The following CALN1 variants were observed in gnomAD, a reference collection of about 807,000 sequenced individuals.
The protein encoded by CALN1 is calcium-binding protein 8.
CALN1 carries 17 observed loss-of-function variants against 30.6 expected under a neutral mutation model. The observed-to-expected ratio is 0.56, with a 90% CI of 0.38 to 0.83. CALN1 has a LOEUF of 0.83. Among genes scored for constraint, CALN1 ranks in the 40% least tolerant of loss-of-function variants. The probability of loss-of-function intolerance (pLI) is 0.00; values close to 1 mark genes in which losing one functional copy is unlikely to be tolerated. For missense variants in CALN1, 291 were observed against 354.9 expected (o/e 0.82, Z 1.45); for synonymous variants, 156 against 131.4 (o/e 1.19, Z -1.28).
intron 6 of CALN1, among the ~76,000 whole-genome samples, chr7:71,799,438 TTTATTTATTTATTTAG>T (rs1355944987): frequency 1.7e-4 from 23 of 137,536 alleles, no homozygotes; most frequent in Non-Finnish European, 2.0e-4. Flanking sequence ...TATTTATTTA[TTTATTTATTTATTTAG>T]TTAGTTAGTT....
intron 5 of CALN1, among the ~76,000 whole-genome samples, chr7:71,959,235 T>C (rs1446714866): frequency 6.6e-6 from 1 of 152,156 alleles, no homozygotes; most frequent in Non-Finnish European, 1.5e-5. Flanking sequence ...TGGTCTTAAA[T>C]GACAAGCTAA....
chr7:72,054,418 C>CACGTATATATATATACATATATATAT (rs1563015234), intron 4 of CALN1, among the ~76,000 whole-genome samples: 18 of 36,828 alleles, frequency 4.9e-4, no homozygotes, highest in Admixed American at 3.7e-4. Flanking sequence ...TATATATATA[C>CACGTATATATATATACATATATATAT]GTGTATATAT....
intron 5 of CALN1, among the ~76,000 whole-genome samples, chr7:71,957,061 T>TG (rs1291315800): frequency 6.6e-6 from 1 of 151,782 alleles, no homozygotes; most frequent in Non-Finnish European, 1.5e-5. Context: ...TATGAATTGG[T>TG]GGGGAGGTGG....
At chr7:71,902,911 G>A (rs1006701572) in intron 5 of CALN1, among the ~76,000 whole-genome samples, 1 of 151,888 alleles carries the variant, frequency 6.6e-6, no homozygotes, top group African/African-American at 2.4e-5. Flanking sequence ...TAATTTATAA[G>A]AGCTAAACAG....
chr7:72,280,516 C>T (rs547680848), intron 2 of CALN1, among the ~76,000 whole-genome samples: 3 of 152,334 alleles, frequency 2.0e-5, no homozygotes, highest in South Asian at 4.1e-4. Flanking sequence ...TCTAGAAGAA[C>T]ACTTCAATGA....
At chr7:72,312,308 G>A (rs1451447537) in intron 2 of CALN1, among the ~76,000 whole-genome samples, 11 of 151,058 alleles carry the variant, frequency 7.3e-5, no homozygotes, top group African/African-American at 2.7e-4. Context: ...GGAGGCTGAG[G>A]CAGGAGAATC....
At position 72,192,625 on chromosome 7, in the gene CALN1, TTTATTATTATTATTATTATTATTATTA is replaced by T. The variant is rs140672013; in HGVS notation, c.244+86034_244+86060del. Among the ~76,000 whole-genome samples the T allele has an allele frequency of 1.3e-3, 192 of 143,814 alleles. 1 individual carries two copies. The highest frequency in any genetic ancestry group is 6.6e-3 in the South Asian group (29 of 4,368). 94.3% of individuals were successfully genotyped at this position (143,814 alleles called of 152,430 possible). A position where few individuals can be genotyped will look rare whatever the true frequency, so the allele number is the denominator to read the frequency against. Reference sequence around the variant, plus strand: ...GGCAACATTGGGAGATCCCATTTCTTTTATTATTATTATTATTATTATTATTATTATTATTATTATTATTATTATACT... The same window carrying T: ...GGCAACATTGGGAGATCCCATTTCTTTTATTATTATTATTATTATTATACT... On this transcript the variant is annotated intron_variant, in intron 3 of 6. Transcript: ENST00000395275.
chr7:71,931,132 T>C (rs181769842), intron 5 of CALN1, among the ~76,000 whole-genome samples: 1 of 152,338 alleles, frequency 6.6e-6, no homozygotes, highest in Admixed American at 6.5e-5. Flanking sequence ...AGGTTTTTCT[T>C]TTTGAAATGT....
Position 72,106,229 on chromosome 7 carries a change from C to T in CALN1, c.310G>A (p.Gly104Ser). ...GNGFISKQEL[G>S]MAMRSLGYMP... ...TACCCCAAAGAGCGCATGGCCATGC[C>T]CAGCTCCTGCTTGGAGATGAAGCCG... Residue 104 changes from glycine to serine, a missense_variant, in exon 4 of 7, where the codon GGC becomes AGC. Gly to Ser is a moderately conservative substitution (Grantham distance 56). Transcript: ENST00000395275. 1 of 1,614,008 alleles carries T rather than the reference C, an allele frequency of 6.2e-7. No individual in the cohort carries two copies. Among genetic ancestry groups the T allele is most frequent in the African/African-American group, 1.3e-5 (1 of 75,010 alleles).
At chr7:72,098,904 T>A (rs1479711180) in intron 4 of CALN1, among the ~76,000 whole-genome samples, 1 of 151,890 alleles carries the variant, frequency 6.6e-6, no homozygotes, top group Non-Finnish European at 1.5e-5. Flanking sequence ...TCTGGATGGA[T>A]CCGTGTCCAG....
intron 2 of CALN1, among the ~76,000 whole-genome samples, chr7:72,329,787 C>A (rs1479451060): frequency 6.6e-6 from 1 of 151,672 alleles, no homozygotes; most frequent in Non-Finnish European, 1.5e-5. Flanking sequence ...GACCCCGTCA[C>A]TACTAAAAAT....
chr7:72,082,875 G>A (rs1449095042), intron 4 of CALN1, among the ~76,000 whole-genome samples: 1 of 152,290 alleles, frequency 6.6e-6, no homozygotes, highest in South Asian at 2.1e-4. Context: ...CTTACATGCA[G>A]TATCTGGCAT....
At chr7:72,349,505 A>T (rs191926488) in intron 2 of CALN1, among the ~76,000 whole-genome samples, 2 of 152,174 alleles carry the variant, frequency 1.3e-5, no homozygotes, top group African/African-American at 4.8e-5. Flanking sequence ...GAAAAATCTT[A>T]AAGTATCCAG....
At chr7:72,087,994 C>T (rs1253823986) in intron 4 of CALN1, among the ~76,000 whole-genome samples, 2 of 152,206 alleles carry the variant, frequency 1.3e-5, no homozygotes, top group African/African-American at 2.4e-5. Context: ...AAGACCCCGC[C>T]TCTACCAAAA....
chr7:71,980,307 C>T (rs2129527121), intron 5 of CALN1, among the ~76,000 whole-genome samples: 1 of 151,600 alleles, frequency 6.6e-6, no homozygotes, highest in Admixed American at 6.6e-5. Flanking sequence ...CTGCCTCAGC[C>T]TCCTGTGTAG....
intron 5 of CALN1, among the ~76,000 whole-genome samples, chr7:71,883,736 T>C (rs917262975): frequency 1.3e-5 from 2 of 152,166 alleles, no homozygotes; most frequent in African/African-American, 4.8e-5. Flanking sequence ...CGTATTTCAA[T>C]TACCTTACCC....
intron 3 of CALN1, among the ~76,000 whole-genome samples, chr7:72,109,820 C>A (rs1807434885): frequency 6.6e-6 from 1 of 152,232 alleles, no homozygotes; most frequent in South Asian, 2.1e-4. Context: ...CGCCAAGCGC[C>A]AGCTCTGCTC....
At chr7:72,198,210 GA>G (rs1791166276) in intron 3 of CALN1, among the ~76,000 whole-genome samples, 1 of 152,178 alleles carries the variant, frequency 6.6e-6, no homozygotes, top group Admixed American at 6.5e-5. Context: ...CAAAAGGCCA[GA>G]AAGAGCTCAG....
intron 3 of CALN1, among the ~76,000 whole-genome samples, chr7:72,110,178 C>G (rs375148946): frequency 3.3e-5 from 5 of 152,240 alleles, no homozygotes; most frequent in South Asian, 2.1e-4. Context: ...TCCTGTATGC[C>G]CTAGACCTTA....
Sources: gnomAD v4.1 joint callset for allele counts (sites outside exome capture counted in the v4.1 genomes callset) on GRCh38, gnomAD v4.1.1 for gene constraint, MANE v1.5 for transcripts, NCBI Gene and HGNC (gene_info 2026-07-23, HGNC 2026-07-21) for gene names.